The following TADA2B variants were observed in gnomAD, a reference collection of about 807,000 sequenced individuals.
The protein encoded by TADA2B is transcriptional adapter 2-beta.
In TADA2B, 13 loss-of-function variants were observed where a neutral mutation model predicts 34.5. The ratio of observed to expected loss-of-function variants is 0.38; its 90% CI spans 0.25 to 0.60. TADA2B has a LOEUF of 0.60. Ranked by LOEUF, TADA2B falls within the 20% of genes least tolerant of loss-of-function variation. The probability of loss-of-function intolerance (pLI) is 0.65; values close to 1 mark genes in which losing one functional copy is unlikely to be tolerated. For synonymous variants in TADA2B, 240 were observed against 243.4 expected, an observed-to-expected ratio of 0.99 and a Z score of 0.13; for missense variants, 442 against 575.0, an observed-to-expected ratio of 0.77 and a Z score of 2.37.
intron 1 of TADA2B, among the ~76,000 whole-genome samples, chr4:7,049,104 G>C (rs1040471524): frequency 6.6e-6 from 1 of 151,802 alleles, no homozygotes; most frequent in Non-Finnish European, 1.5e-5. Context: ...TTTTTTTAAG[G>C]GTTTCGCTCT....
intron 1 of TADA2B, among the ~76,000 whole-genome samples, chr4:7,048,807 G>A (rs893758118): frequency 1.2e-4 from 19 of 152,150 alleles, no homozygotes; most frequent in Middle Eastern, 3.4e-3. Context: ...CCTCAAATGC[G>A]TGGGTCCTGC....
Position 7,055,079 on chromosome 4 carries a change from GTGA to G in TADA2B, c.*28_*30del. 1 of 1,585,988 alleles carries G rather than the reference GTGA, an allele frequency of 6.3e-7. No individual in the cohort carries two copies. The highest frequency in any genetic ancestry group is 8.6e-7 in the Non-Finnish European group (1 of 1,167,534). On this transcript the variant is annotated 3_prime_UTR_variant, in exon 2 of 2. Coordinates refer to ENST00000310074, the MANE Select transcript of TADA2B (RefSeq NM_152293.3). The stretch of plus-strand genomic sequence containing the variant: ...AAGCTGAGACGCTTTGAAAGCCAGG[GTGA>G]TGCTCAGACAGTGTGCCAGCCAAAA...
intron 1 of TADA2B, among the ~76,000 whole-genome samples, chr4:7,050,776 A>T (rs934931024): frequency 3.3e-5 from 5 of 152,260 alleles, no homozygotes; most frequent in Non-Finnish European, 7.3e-5. Flanking sequence ...AAAGAAGAGC[A>T]GAAGCCCAGC....
At chr4:7,054,040 C>T in intron 1 of TADA2B, 22 bp from the exon 2 acceptor site, 1 of 1,542,816 alleles carries the variant, frequency 6.5e-7, no homozygotes, top group Non-Finnish European at 8.8e-7. Context: ...GTGGAACTAA[C>T]TTCTGCCCTT....
In TADA2B at chr4:7,054,283, G is replaced by A; in HGVS notation, c.492G>A (p.Leu164=). 6.2e-7 allele frequency: 1 copy of A among 1,613,062 alleles called. No individual in the cohort carries two copies. The highest frequency in any genetic ancestry group is 8.5e-7 in the Non-Finnish European group (1 of 1,179,736). Residue 164 remains leucine, a synonymous_variant, in exon 2 of 2, where the codon CTG becomes CTA. Transcript: ENST00000310074. Reference sequence around the variant, plus strand: ...TCTCTGTGGCTGAGCAGCAGCAGCTGGGCTACATGCCGCTGCGGGATGATT... The same window carrying A: ...TCTCTGTGGCTGAGCAGCAGCAGCTAGGCTACATGCCGCTGCGGGATGATT... ...LDISVAEQQQ[L]GYMPLRDDYE... is the part of the protein sequence containing the mutation.
rs765549514 is a variant in TADA2B at position 7,054,483 on chromosome 4, C to T, written c.692C>T (p.Ala231Val). 6.2e-7 allele frequency: 1 copy of T among 1,613,692 alleles called. No individual in the cohort carries two copies. Among genetic ancestry groups the T allele is most frequent in the Admixed American group, 1.7e-5 (1 of 60,014 alleles). The change falls in exon 2 of 2, where the codon GCC (alanine) becomes GTC (valine). Residue 231 changes from alanine (A) to valine (V), a missense_variant. Around this residue, in one of 4 missense-constraint regions of TADA2B, gnomAD observed 222 missense variants for 235.2 expected, o/e 0.94. Transcript: ENST00000310074. ...GCCCGTGACTACAATCTGGTGCCAG[C>T]CTTCCTGGGGAAGGACAAGAAGGAG... ...NIARDYNLVP[A>V]FLGKDKKEKE...
In TADA2B at chr4:7,057,933, TAAAC is replaced by T. The variant is rs1180001887; in HGVS notation, c.*2882_*2885del. 6.6e-6 allele frequency: 1 copy of T among 152,184 alleles called. No homozygotes were observed. The highest frequency in any genetic ancestry group is 2.1e-4 in the South Asian group (1 of 4,834). 9.4% of individuals were successfully genotyped at this position (152,184 alleles called of 1,614,324 possible). A position where few individuals can be genotyped will look rare whatever the true frequency, so the allele number is the denominator to read the frequency against. The stretch of plus-strand genomic sequence containing the variant: ...CCGTTTTGATGACCTTTTTCCATAT[TAAAC>T]AAGTTGAGAACAAAAGAGTGTCACC... On this transcript the variant is annotated 3_prime_UTR_variant, in exon 2 of 2. Coordinates refer to ENST00000310074, the MANE Select transcript of TADA2B (RefSeq NM_152293.3).
chr4:7,047,975 C>T lies in TADA2B; in HGVS notation c.270+4126C>T, dbSNP rs76090594. Among the ~76,000 whole-genome samples the T allele has an allele frequency of 3.2e-3, 491 of 152,238 alleles. 3 individuals carry two copies. The highest frequency in any genetic ancestry group is 0.011 in the African/African-American group (460 of 41,532). On this transcript the variant is annotated intron_variant, in intron 1 of 1. Transcript: ENST00000310074. ...GACAGGTGCTCCCCACTTTTACAAA[C>T]GAGGAAACAACTGTGGGTGATGTGG... is the stretch of plus-strand genomic sequence containing the variant.
Position 7,055,058 on chromosome 4 carries a change from T to C in TADA2B, c.*4T>C. On this transcript the variant is annotated 3_prime_UTR_variant, in exon 2 of 2. Coordinates refer to ENST00000310074, the MANE Select transcript of TADA2B (RefSeq NM_152293.3). Reference sequence around the variant, plus strand: ...GATCTCCAGGGACGCGTCTTGAAGCTGAGACGCTTTGAAAGCCAGGGTGAT... The same window carrying C: ...GATCTCCAGGGACGCGTCTTGAAGCCGAGACGCTTTGAAAGCCAGGGTGAT... 4 of 1,599,202 alleles carry C rather than the reference T, an allele frequency of 2.5e-6. No individual in the cohort carries two copies. The highest frequency in any genetic ancestry group is 3.4e-6 in the Non-Finnish European group (4 of 1,173,798).
chr4:7,045,931 G>A (rs531230893), intron 1 of TADA2B: 1 of 152,368 alleles, frequency 6.6e-6, no homozygotes, highest in Admixed American at 6.5e-5. Flanking sequence ...CTTTCCGAAC[G>A]AATGTGCACA....
In TADA2B at chr4:7,054,773, A is replaced by G; in HGVS notation, c.982A>G (p.Lys328Glu). 1 of 1,613,980 alleles carries G rather than the reference A, an allele frequency of 6.2e-7. No homozygotes were observed. Among genetic ancestry groups the G allele is most frequent in the Non-Finnish European group, 8.5e-7 (1 of 1,179,906 alleles). ...RKENKNLAGS[K>E]RGKEDGKDSE... ...GGAGAACAAAAACCTAGCCGGCTCC[A>G]AACGGGGAAAGGAGGACGGCAAAGA... Residue 328 changes from lysine to glutamate, a missense_variant, in exon 2 of 2, where the codon AAA becomes GAA. Coordinates refer to ENST00000310074, the MANE Select transcript of TADA2B (RefSeq NM_152293.3).
chr4:7,046,682 T>C (rs547891531), intron 1 of TADA2B, among the ~76,000 whole-genome samples: 8 of 152,338 alleles, frequency 5.3e-5, no homozygotes, highest in African/African-American at 1.7e-4. Flanking sequence ...GGGCCTGGAC[T>C]CATGGGCTGT....
In TADA2B at chr4:7,054,777, G is replaced by A. The variant is rs1374921983; in HGVS notation, c.986G>A (p.Arg329Gln). The change falls in exon 2 of 2, where the codon CGG becomes CAG. Residue 329 changes from arginine (R) to glutamine (Q), a missense_variant. By Grantham distance (43) the Arg-to-Gln change is conservative. Around this residue, in one of 4 missense-constraint regions of TADA2B, gnomAD observed 114 missense variants for 144.7 expected, o/e 0.79. Transcript: ENST00000310074. ...AACAAAAACCTAGCCGGCTCCAAAC[G>A]GGGAAAGGAGGACGGCAAAGACAGC... ...KENKNLAGSK[R>Q]GKEDGKDSEF... 6.8e-6 allele frequency: 11 copies of A among 1,613,944 alleles called. No homozygotes were observed. The highest frequency in any genetic ancestry group is 4.5e-5 in the East Asian group (2 of 44,882).
intron 1 of TADA2B, among the ~76,000 whole-genome samples, chr4:7,051,967 G>A (rs1723780793): frequency 6.6e-6 from 1 of 152,232 alleles, no homozygotes; most frequent in African/African-American, 2.4e-5. Context: ...AGTCTCACTG[G>A]CTTGAGACCA....
At chr4:7,049,527 C>G (rs1723716544) in intron 1 of TADA2B, among the ~76,000 whole-genome samples, 1 of 152,238 alleles carries the variant, frequency 6.6e-6, no homozygotes, top group South Asian at 2.1e-4. Context: ...TGAGAGAGAC[C>G]TAGAACTGAG....
rs115192891 is a variant in TADA2B at position 7,046,505 on chromosome 4, A to G, written c.270+2656A>G. ...TCAGGGATTCCATGGCATTCATGTG[A>G]TAGAGCCAGGAATGAACGCAGGCCT... On this transcript the variant is annotated intron_variant, in intron 1 of 1. Coordinates refer to ENST00000310074, the MANE Select transcript of TADA2B (RefSeq NM_152293.3). 2.1e-3 allele frequency among the ~76,000 whole-genome samples: 322 copies of G among 152,326 alleles called. 2 individuals are homozygous for G. Among genetic ancestry groups the G allele is most frequent in the African/African-American group, 7.4e-3 (308 of 41,580 alleles).
intron 1 of TADA2B, among the ~76,000 whole-genome samples, chr4:7,048,288 G>GGA (rs1486829560): frequency 6.6e-6 from 1 of 152,158 alleles, no homozygotes; most frequent in Non-Finnish European, 1.5e-5. Flanking sequence ...GGCGGGAGGG[G>GGA]GAGGGAGAGC....
At chr4:7,051,686 C>T (rs1395210448) in intron 1 of TADA2B, among the ~76,000 whole-genome samples, 1 of 152,078 alleles carries the variant, frequency 6.6e-6, no homozygotes, top group Non-Finnish European at 1.5e-5. Flanking sequence ...CAAGCTCCAC[C>T]TCCCGGGTTC....
In TADA2B at chr4:7,054,742, G is replaced by A. The variant is rs1369829715; in HGVS notation, c.951G>A (p.Lys317=). Residue 317 remains lysine, a synonymous_variant, in exon 2 of 2, where the codon AAG becomes AAA. Coordinates refer to ENST00000310074, the MANE Select transcript of TADA2B (RefSeq NM_152293.3). ...AGGCAGCGCGGCATAAACGGGAGAA[G>A]AGGAAGGAGAACAAAAACCTAGCCG... is the stretch of plus-strand genomic sequence containing the variant. ...EYEAARHKRE[K]RKENKNLAGS... The A allele has an allele frequency of 1.2e-6, 2 of 1,613,872 alleles. No individual in the cohort carries two copies. The highest frequency in any genetic ancestry group is 1.1e-5 in the South Asian group (1 of 91,084).
Sources: allele counts gnomAD v4.1 joint callset (sites outside exome capture counted in the v4.1 genomes callset), GRCh38; gene constraint gnomAD v4.1.1; regional missense constraint gnomAD v4.1.1; transcripts MANE v1.5; gene names NCBI Gene and HGNC (gene_info 2026-07-23, HGNC 2026-07-21).